The following CCDC178 variants were observed in gnomAD, a reference collection of about 807,000 sequenced individuals.
The protein encoded by CCDC178 is coiled-coil domain-containing protein 178.
In CCDC178, 126 loss-of-function variants were observed where a neutral mutation model predicts 117.4. That is an observed-to-expected ratio of 1.07 (90% CI 0.93 to 1.24). The LOEUF is 1.24. CCDC178 is among the 50% of genes most tolerant of loss of function. The pLI is 0.00. For synonymous variants in CCDC178, 283 were observed against 313.4 expected, an observed-to-expected ratio of 0.90 and a Z score of 1.02; for missense variants, 1,030 against 986.9, an observed-to-expected ratio of 1.04 and a Z score of -0.59.
chr18:33,404,270 A>G (rs1420716961), intron 3 of CCDC178, among the ~76,000 whole-genome samples: 1 of 152,132 alleles, frequency 6.6e-6, no homozygotes, highest in African/African-American at 2.4e-5. Flanking sequence ...TGTTAATAAT[A>G]TTGGAAATTG....
Position 33,323,480 on chromosome 18 carries a change from A to G in CCDC178, c.1022+11T>C, listed in dbSNP as rs777364011. ...TAAATGCTATAATTAGTGTTTGCGA[A>G]AAATTCTTACTTGTAGGCCTCTATG... On this transcript the variant is annotated intron_variant, in intron 11 of 22. Coordinates refer to ENST00000383096, the MANE Select transcript of CCDC178 (RefSeq NM_001105528.4). The G allele has an allele frequency of 3.6e-5, 53 of 1,453,872 alleles. No individual in the cohort carries two copies. The highest frequency in any genetic ancestry group is 4.6e-5 in the Non-Finnish European group (51 of 1,100,752). The allele number at this position is 1,453,872 out of a possible 1,614,324, so 90.1% of individuals were successfully genotyped here.
intron 18 of CCDC178, among the ~76,000 whole-genome samples, chr18:33,218,258 A>G (rs2144610170): frequency 6.6e-6 from 1 of 152,236 alleles, no homozygotes; most frequent in South Asian, 2.1e-4. Context: ...TCCTTTGAGA[A>G]GTGTCTGCTC....
At chr18:33,051,466 T>C (rs2056746798) in intron 21 of CCDC178, among the ~76,000 whole-genome samples, 1 of 152,252 alleles carries the variant, frequency 6.6e-6, no homozygotes, top group African/African-American at 2.4e-5. Flanking sequence ...CTCACTTTTC[T>C]ATAAATACAA....
intron 6 of CCDC178, among the ~76,000 whole-genome samples, chr18:33,366,996 T>A (rs547866973): frequency 3.2e-4 from 48 of 152,186 alleles, no homozygotes; most frequent in Non-Finnish European, 4.7e-4. Flanking sequence ...GAAATATCCC[T>A]TTTCTGCATT....
intron 21 of CCDC178, among the ~76,000 whole-genome samples, chr18:33,037,799 T>G (rs73415475): frequency 0.15 from 23,046 of 151,840 alleles, 2,590 homozygotes; most frequent in African/African-American, 0.32. Flanking sequence ...AAACTATGAG[T>G]GACCATCAGT....
At position 33,011,911 on chromosome 18, in the gene CCDC178, G is replaced by A. The variant is rs143399778; in HGVS notation, c.2389-37230C>T. 9.9e-3 allele frequency among the ~76,000 whole-genome samples: 1,480 copies of A among 149,884 alleles called. 19 individuals are homozygous for A. Among genetic ancestry groups the A allele is most frequent in the Middle Eastern group, 0.032 (9 of 282 alleles). On this transcript the variant is annotated intron_variant, in intron 21 of 22. Transcript: ENST00000383096. ...TGCAGTGATCGGGCTATAGGCATAT[G>A]TGACTGAGTTTTAGTTGATTTTCTT...
intron 21 of CCDC178, among the ~76,000 whole-genome samples, chr18:33,037,084 T>A (rs1302296476): frequency 6.6e-6 from 1 of 151,730 alleles, no homozygotes; most frequent in African/African-American, 2.4e-5. Context: ...AATATAATGA[T>A]AAATAGCACC....
chr18:33,140,369 C>A (rs773860010), intron 20 of CCDC178, among the ~76,000 whole-genome samples: 44 of 152,124 alleles, frequency 2.9e-4, no homozygotes, highest in Non-Finnish European at 5.3e-4. Flanking sequence ...GGAAAAGACA[C>A]AGACACTCAA....
intron 14 of CCDC178, among the ~76,000 whole-genome samples, chr18:33,264,507 A>G (rs1488577706): frequency 6.6e-6 from 1 of 152,058 alleles, no homozygotes; most frequent in Non-Finnish European, 1.5e-5. Context: ...TATCCATTTA[A>G]TTTTTAATTC....
chr18:33,095,688 T>C (rs891335314), intron 20 of CCDC178, among the ~76,000 whole-genome samples: 3 of 151,914 alleles, frequency 2.0e-5, no homozygotes, highest in Non-Finnish European at 4.4e-5. Flanking sequence ...TCAACTTCTA[T>C]GAAGTAACTG....
At chr18:33,153,295 A>G (rs1475595159) in intron 20 of CCDC178, among the ~76,000 whole-genome samples, 2 of 151,694 alleles carry the variant, frequency 1.3e-5, no homozygotes, top group Non-Finnish European at 2.9e-5. Flanking sequence ...GGATTATGAA[A>G]GAGTGAGGCA....
chr18:33,008,005 A>G (rs1168630986), intron 21 of CCDC178, among the ~76,000 whole-genome samples: 1 of 152,096 alleles, frequency 6.6e-6, no homozygotes, highest in African/African-American at 2.4e-5. Context: ...ATTTCTTGTA[A>G]TTATGTTAGC....
chr18:33,098,931 A>G (rs2057583983), intron 20 of CCDC178, among the ~76,000 whole-genome samples: 1 of 152,034 alleles, frequency 6.6e-6, no homozygotes, highest in Admixed American at 6.6e-5. Flanking sequence ...AATTGATTCT[A>G]TCAAGTGGGG....
At chr18:33,070,581 T>C (rs1280804535) in intron 21 of CCDC178, among the ~76,000 whole-genome samples, 5 of 152,054 alleles carry the variant, frequency 3.3e-5, no homozygotes, top group African/African-American at 4.8e-5. Context: ...CTAGAAGGAC[T>C]AGGTCCTATA....
chr18:33,270,520 A>G (rs1441445980), intron 12 of CCDC178, among the ~76,000 whole-genome samples: 1 of 151,664 alleles, frequency 6.6e-6, no homozygotes, highest in Non-Finnish European at 1.5e-5. Context: ...TCACATGTCA[A>G]GGATCTTCAA....
intron 21 of CCDC178, among the ~76,000 whole-genome samples, chr18:33,088,104 C>A (rs1445906968): frequency 6.6e-6 from 1 of 151,784 alleles, no homozygotes; most frequent in African/African-American, 2.4e-5. Context: ...ACATTATAGT[C>A]TAGGAAAGAA....
chr18:33,212,123 A>T, intron 19 of CCDC178, 68 bp from the exon 20 acceptor site: 2 of 1,254,460 alleles, frequency 1.6e-6, no homozygotes, highest in Non-Finnish European at 2.2e-6. Flanking sequence ...CATTTATGAG[A>T]CATTTTAAAA....
chr18:33,382,486 C>T (rs1344646497), intron 5 of CCDC178, among the ~76,000 whole-genome samples: 1 of 152,096 alleles, frequency 6.6e-6, no homozygotes, highest in Non-Finnish European at 1.5e-5. Context: ...AACTGAGGTA[C>T]CCAGTTCATC....
At chr18:33,289,859 T>C (rs2060145996) in intron 12 of CCDC178, among the ~76,000 whole-genome samples, 1 of 152,110 alleles carries the variant, frequency 6.6e-6, no homozygotes, top group African/African-American at 2.4e-5. Flanking sequence ...CCCTAAACTG[T>C]TCAGGAAAAA....
Sources: allele counts gnomAD v4.1 joint callset (sites outside exome capture counted in the v4.1 genomes callset), GRCh38; gene constraint gnomAD v4.1.1; transcripts MANE v1.5; gene names NCBI Gene and HGNC (gene_info 2026-07-23, HGNC 2026-07-21).